Variants in PEBP4 observed in about 807,000 individuals in gnomAD.
PEBP4 encodes phosphatidylethanolamine binding protein 4.
In PEBP4, 22 loss-of-function variants were observed where a neutral mutation model predicts 23.9. The ratio of observed to expected loss-of-function variants is 0.92; its 90% CI spans 0.66 to 1.31. The LOEUF is 1.31. Ranked by LOEUF, PEBP4 falls within the 40% of genes most tolerant of loss-of-function variation. The probability of loss-of-function intolerance (pLI) is 0.00; values close to 1 mark genes in which losing one functional copy is unlikely to be tolerated. For synonymous variants in PEBP4, 112 were observed against 99.3 expected, an observed-to-expected ratio of 1.13 and a Z score of -0.76; for missense variants, 324 against 281.7, an observed-to-expected ratio of 1.15 and a Z score of -1.07.
At position 22,775,333 on chromosome 8, in the gene PEBP4, CT is replaced by C. The variant is rs1176331508; in HGVS notation, c.357+42303del. Among the ~76,000 whole-genome samples, 1 of 152,238 alleles carries C rather than the reference CT, an allele frequency of 6.6e-6. No homozygotes were observed. The highest frequency in any genetic ancestry group is 1.5e-5 in the Non-Finnish European group (1 of 68,046). ...CAATGGGAAGGCCGTCAGGGCCCGT[CT>C]GCCAGGGAGAAGCCTCCGGGTGGTC... On this transcript the variant is annotated intron_variant, in intron 4 of 6. Transcript: ENST00000256404. This position sits in a 1 kb window ranked among gnomAD's most constrained non-coding sequence, Gnocchi z 4.8.
chr8:22,746,359 G>T (rs758767641), intron 4 of PEBP4, among the ~76,000 whole-genome samples: 64 of 152,188 alleles, frequency 4.2e-4, no homozygotes, highest in Non-Finnish European at 1.3e-4. Context: ...ACCAGGTGTT[G>T]TCTCTTTGGC....
intron 3 of PEBP4, among the ~76,000 whole-genome samples, chr8:22,829,775 C>T (rs970803963): frequency 1.3e-5 from 2 of 152,170 alleles, no homozygotes; most frequent in Admixed American, 1.3e-4. Context: ...CATATCCTCC[C>T]CTGCTTTTCC....
chr8:22,847,865 G>T lies in PEBP4; in HGVS notation c.259-30130C>A, dbSNP rs1434543520. 4.6e-5 allele frequency among the ~76,000 whole-genome samples: 7 copies of T among 152,170 alleles called. No homozygotes were observed. The East Asian group carries it at 1.3e-3, about 29-fold the overall frequency. On this transcript the variant is annotated intron_variant, in intron 3 of 6. Coordinates refer to ENST00000256404, the MANE Select transcript of PEBP4 (RefSeq NM_144962.3). Reference sequence around the variant, plus strand: ...GCCTGGACCTCAGGTGGCTTCGAGAGAATGCTCAGAACCTGAGCCTGCCAC... The same window carrying T: ...GCCTGGACCTCAGGTGGCTTCGAGATAATGCTCAGAACCTGAGCCTGCCAC...
At chr8:22,895,658 A>G (rs1808575811) in intron 3 of PEBP4, 2 of 152,204 alleles carry the variant, frequency 1.3e-5, no homozygotes, top group Non-Finnish European at 2.9e-5. Context: ...CCAACTATAC[A>G]TATGTTAGAC....
intron 3 of PEBP4, among the ~76,000 whole-genome samples, chr8:22,834,303 C>A (rs904960066): frequency 6.6e-6 from 1 of 152,246 alleles, no homozygotes; most frequent in Non-Finnish European, 1.5e-5. Flanking sequence ...TGCTCTTCGC[C>A]AGGGCTGATG....
At chr8:22,813,649 A>G (rs186909244) in intron 4 of PEBP4, among the ~76,000 whole-genome samples, 37 of 152,344 alleles carry the variant, frequency 2.4e-4, no homozygotes, top group African/African-American at 8.7e-4. Flanking sequence ...TCAGAACTGA[A>G]GATCATCTTT....
chr8:22,757,094 G>A (rs1805399381), intron 4 of PEBP4: 1 of 152,120 alleles, frequency 6.6e-6, no homozygotes. Flanking sequence ...CAAGACAACA[G>A]GTCCACAGCA....
chr8:22,733,787 G>C, intron 4 of PEBP4, among the ~76,000 whole-genome samples: 1 of 129,406 alleles, frequency 7.7e-6, no homozygotes, highest in Non-Finnish European at 1.7e-5. Flanking sequence ...GTGGGGATGG[G>C]GGGTTTGGGG....
chr8:22,930,928 G>A (rs918049328), upstream of PEBP4, among the ~76,000 whole-genome samples: 2 of 152,094 alleles, frequency 1.3e-5, no homozygotes, highest in African/African-American at 4.8e-5. Context: ...TACCTGGGCT[G>A]GGACCACCTC....
chr8:22,926,635 T>C (rs1809341097), intron 2 of PEBP4, among the ~76,000 whole-genome samples: 1 of 152,168 alleles, frequency 6.6e-6, no homozygotes, highest in South Asian at 2.1e-4. Context: ...TGTGAGCCAC[T>C]TCACCCAACA....
intron 3 of PEBP4, among the ~76,000 whole-genome samples, chr8:22,919,374 A>G (rs560369690): frequency 6.6e-6 from 1 of 152,316 alleles, no homozygotes; most frequent in South Asian, 2.1e-4. Context: ...ACCTCCTTCT[A>G]AAACACAGCA....
In PEBP4 at chr8:22,824,126, G is replaced by T. The variant is rs116189117; in HGVS notation, c.259-6391C>A. Among the ~76,000 whole-genome samples the T allele has an allele frequency of 3.1e-3, 466 of 152,248 alleles. 1 individual carries two copies. Among genetic ancestry groups the T allele is most frequent in the African/African-American group, 0.011 (456 of 41,540 alleles). On this transcript the variant is annotated intron_variant, in intron 3 of 6. Transcript: ENST00000256404. ...CTATGGAGAGAAAACCAGAAAAATA[G>T]AAAGTTAAATGCTGACCGATGATCT...
chr8:22,828,248 C>T (rs1807014441), intron 3 of PEBP4, among the ~76,000 whole-genome samples: 1 of 152,108 alleles, frequency 6.6e-6, no homozygotes, highest in Admixed American at 6.5e-5. Flanking sequence ...CTGGACTTGC[C>T]TCATTCTTGA....
At chr8:22,788,361 C>T (rs1221851557) in intron 4 of PEBP4, among the ~76,000 whole-genome samples, 3 of 152,074 alleles carry the variant, frequency 2.0e-5, no homozygotes, top group African/African-American at 7.2e-5. Flanking sequence ...GGAGAAATGG[C>T]AAGTGCAGCC....
chr8:22,925,714 C>T (rs954625930), intron 2 of PEBP4, among the ~76,000 whole-genome samples: 4 of 152,168 alleles, frequency 2.6e-5, no homozygotes, highest in Admixed American at 1.3e-4. Context: ...TCATTTCCCA[C>T]AGTGTGGGAA....
chr8:22,932,522 C>A (rs554852759), upstream of PEBP4, among the ~76,000 whole-genome samples: 17 of 152,198 alleles, frequency 1.1e-4, no homozygotes, highest in East Asian at 3.3e-3. Flanking sequence ...GCTAAACACA[C>A]ATATACACAC....
chr8:22,918,076 A>G (rs965981626), intron 3 of PEBP4, among the ~76,000 whole-genome samples: 2 of 152,204 alleles, frequency 1.3e-5, no homozygotes, highest in Non-Finnish European at 2.9e-5. Flanking sequence ...TTTTTGTCAC[A>G]TGCCATTAAT....
chr8:22,744,157 A>G (rs1226542350), intron 4 of PEBP4, among the ~76,000 whole-genome samples: 3 of 152,224 alleles, frequency 2.0e-5, no homozygotes, highest in South Asian at 2.1e-4. Flanking sequence ...GGAACATAAA[A>G]TCACTTGGGA....
At chr8:22,910,232 C>T (rs1201569564) in intron 3 of PEBP4, among the ~76,000 whole-genome samples, 1 of 152,246 alleles carries the variant, frequency 6.6e-6, no homozygotes, top group Non-Finnish European at 1.5e-5. Context: ...AATGACAGCA[C>T]TGACGTGCTA....
Sources: gnomAD v4.1 joint callset for allele counts (sites outside exome capture counted in the v4.1 genomes callset) on GRCh38, gnomAD v4.1.1 for gene constraint, Gnocchi (gnomAD v3.1) non-coding constraint, MANE v1.5 for transcripts, NCBI Gene and HGNC (gene_info 2026-07-23, HGNC 2026-07-21) for gene names.